PCDH7: variants seen among roughly 807,000 people sequenced by gnomAD.
PCDH7 encodes protocadherin-7.
Under a neutral mutation model 58.9 loss-of-function variants are expected in PCDH7, and 17 were observed. That is an observed-to-expected ratio of 0.29 (90% CI 0.20 to 0.43). The LOEUF (loss-of-function observed/expected upper bound fraction) is 0.43. Among genes scored for constraint, PCDH7 ranks in the 20% least tolerant of loss-of-function variants. PCDH7 has a pLI of 1.00. For missense variants in PCDH7, 1,274 were observed against 1,441.0 expected, an observed-to-expected ratio of 0.88 and a Z score of 1.88; for synonymous variants, 664 against 616.4, an observed-to-expected ratio of 1.08 and a Z score of -1.14.
At chr4:31,119,984 C>A (rs2109322062) in intron 3 of PCDH7, among the ~76,000 whole-genome samples, 1 of 151,446 alleles carries the variant, frequency 6.6e-6, no homozygotes, top group South Asian at 2.1e-4. Context: ...AATGCCTTTT[C>A]CTGGTGCTGG....
intron 1 of PCDH7, among the ~76,000 whole-genome samples, chr4:30,910,178 A>C (rs897786532): frequency 6.6e-6 from 1 of 152,222 alleles, no homozygotes; most frequent in Non-Finnish European, 1.5e-5. Context: ...AATTAACTCA[A>C]GATGGATTAA....
intron 1 of PCDH7, among the ~76,000 whole-genome samples, chr4:30,881,717 T>C (rs1484157337): frequency 1.3e-5 from 2 of 152,162 alleles, no homozygotes; most frequent in Non-Finnish European, 2.9e-5. Flanking sequence ...GCTCTCATAT[T>C]AAGTTAAAAC....
At chr4:30,764,550 A>C (rs954790388) in intron 1 of PCDH7, among the ~76,000 whole-genome samples, 2 of 152,194 alleles carry the variant, frequency 1.3e-5, no homozygotes, top group Non-Finnish European at 2.9e-5. Flanking sequence ...GTTACTGTTA[A>C]ATCTTTATAT....
chr4:30,730,429 C>G (rs1187697231), intron 1 of PCDH7, among the ~76,000 whole-genome samples: 1 of 152,090 alleles, frequency 6.6e-6, no homozygotes, highest in Non-Finnish European at 1.5e-5. Flanking sequence ...ACCACTAAAA[C>G]TAATCTTAAT....
chr4:30,725,377 G>T, intron 1 of PCDH7: 1 of 689,130 alleles, frequency 1.5e-6, no homozygotes. Flanking sequence ...TTGATGTACT[G>T]TGTGCAAGAC....
At chr4:31,089,583 A>G (rs1235069755) in intron 3 of PCDH7, among the ~76,000 whole-genome samples, 1 of 152,224 alleles carries the variant, frequency 6.6e-6, no homozygotes, top group East Asian at 1.9e-4. Flanking sequence ...AGTTTAAATC[A>G]TAACCATGTT....
chr4:30,898,652 G>A (rs909271869), intron 1 of PCDH7, among the ~76,000 whole-genome samples: 7 of 152,120 alleles, frequency 4.6e-5, no homozygotes, highest in African/African-American at 9.7e-5. Context: ...GTGCAGTGGC[G>A]CGATCTAAGC....
At position 30,818,561 on chromosome 4, in the gene PCDH7, C is replaced by T. The variant is rs549377950; in HGVS notation, c.70+93965C>T. On this transcript the variant is annotated intron_variant, in intron 1 of 3. Coordinates refer to the PCDH7 transcript ENST00000509759. ...AATTCCAATGATCATAATTAATTCT[C>T]TATATATGTATATGTAACCATACAA... Among the ~76,000 whole-genome samples the T allele has an allele frequency of 7.0e-4, 107 of 152,256 alleles. 1 individual carries two copies. The highest frequency in any genetic ancestry group is 1.7e-3 in the South Asian group (8 of 4,830).
chr4:30,885,883 A>G (rs908538898), intron 1 of PCDH7, among the ~76,000 whole-genome samples: 1 of 152,240 alleles, frequency 6.6e-6, no homozygotes, highest in Non-Finnish European at 1.5e-5. Context: ...AGGATTCCCT[A>G]TTTAATAAGT....
At chr4:30,901,419 A>G (rs1284706883) in intron 1 of PCDH7, among the ~76,000 whole-genome samples, 1 of 152,124 alleles carries the variant, frequency 6.6e-6, no homozygotes, top group Non-Finnish European at 1.5e-5. Flanking sequence ...ATTTTATTTT[A>G]GGGCCAGAGT....
intron 3 of PCDH7, among the ~76,000 whole-genome samples, chr4:31,136,354 T>C (rs1719603890): frequency 6.6e-6 from 1 of 152,196 alleles, no homozygotes; most frequent in South Asian, 2.1e-4. Flanking sequence ...AGAAAAATTA[T>C]GTCAGAAGTC....
intron 3 of PCDH7, among the ~76,000 whole-genome samples, chr4:31,100,219 G>A (rs1408232775): frequency 1.3e-5 from 2 of 152,156 alleles, no homozygotes; most frequent in African/African-American, 2.4e-5. Context: ...AGTAAAGCTC[G>A]ATAGGTAGAT....
At chr4:31,005,758 T>A (rs1259160134) in intron 3 of PCDH7, among the ~76,000 whole-genome samples, 1 of 152,182 alleles carries the variant, frequency 6.6e-6, no homozygotes, top group African/African-American at 2.4e-5. Flanking sequence ...GTGTGGTCAC[T>A]ATTAGCCATG....
At chr4:30,880,435 A>G (rs1445759753) in intron 1 of PCDH7, among the ~76,000 whole-genome samples, 1 of 152,164 alleles carries the variant, frequency 6.6e-6, no homozygotes, top group Non-Finnish European at 1.5e-5. Context: ...CTGTTGTGGG[A>G]CACAGAGGTA....
At chr4:31,057,033 T>C (rs1757316785) in intron 3 of PCDH7, among the ~76,000 whole-genome samples, 2 of 152,228 alleles carry the variant, frequency 1.3e-5, no homozygotes, top group Non-Finnish European at 2.9e-5. Context: ...AAAAATGCGT[T>C]ATTAAATAAG....
At chr4:31,014,762 T>G in intron 3 of PCDH7, among the ~76,000 whole-genome samples, 1 of 152,190 alleles carries the variant, frequency 6.6e-6, no homozygotes, top group Non-Finnish European at 1.5e-5. Flanking sequence ...AATGATCTCT[T>G]AGAATTGGAG....
intron 1 of PCDH7, among the ~76,000 whole-genome samples, chr4:30,728,859 G>A (rs1715036063): frequency 6.6e-6 from 1 of 150,458 alleles, no homozygotes; most frequent in South Asian, 2.1e-4. Flanking sequence ...CACAAACTCT[G>A]TACACACAGA....
chr4:30,796,050 T>C (rs1307826017), intron 1 of PCDH7, among the ~76,000 whole-genome samples: 1 of 152,334 alleles, frequency 6.6e-6, no homozygotes, highest in African/African-American at 2.4e-5. Context: ...TTTGGAATTA[T>C]ATTGATAAAA....
At chr4:30,899,427 C>T (rs978743910) in intron 1 of PCDH7, among the ~76,000 whole-genome samples, 44 of 152,122 alleles carry the variant, frequency 2.9e-4, no homozygotes, top group Middle Eastern at 3.2e-3. Flanking sequence ...CTATCTAGGT[C>T]CCAGCTCCTT....
Sources: gnomAD v4.1 joint callset for allele counts (sites outside exome capture counted in the v4.1 genomes callset) on GRCh38, gnomAD v4.1.1 for gene constraint, MANE v1.5 for transcripts, NCBI Gene and HGNC (gene_info 2026-07-23, HGNC 2026-07-21) for gene names.